Variants in CFAP299 observed in about 807,000 individuals in gnomAD.
The protein encoded by CFAP299 is cilia- and flagella-associated protein 299.
CFAP299 carries 21 observed loss-of-function variants against 27.0 expected under a neutral mutation model. The ratio of observed to expected loss-of-function variants is 0.78; its 90% confidence interval spans 0.55 to 1.12. CFAP299 has a LOEUF of 1.12. Among genes scored for constraint, CFAP299 ranks in the 50% most tolerant of loss-of-function variants. The pLI, the probability that CFAP299 is intolerant of heterozygous loss-of-function variation, is 0.00. For missense variants in CFAP299, 310 were observed against 276.6 expected, an observed-to-expected ratio of 1.12 and a Z score of -0.86; for synonymous variants, 104 against 98.1, an observed-to-expected ratio of 1.06 and a Z score of -0.36.
chr4:80,437,916 G>A (rs1002265317), intron 2 of CFAP299, among the ~76,000 whole-genome samples: 2 of 151,586 alleles, frequency 1.3e-5, no homozygotes, highest in Non-Finnish European at 2.9e-5. Flanking sequence ...TTTTCTTTAG[G>A]TTTCTTTCTT....
At chr4:80,719,793 T>C (rs755355788) in intron 3 of CFAP299, among the ~76,000 whole-genome samples, 3 of 152,132 alleles carry the variant, frequency 2.0e-5, no homozygotes, top group Non-Finnish European at 4.4e-5. Flanking sequence ...CAGCCTACCA[T>C]CACTGTACCA....
At chr4:80,845,279 GTTT>G (rs200523960) in intron 3 of CFAP299, among the ~76,000 whole-genome samples, 1 of 134,586 alleles carries the variant, frequency 7.4e-6, no homozygotes, top group Admixed American at 7.3e-5. Flanking sequence ...GTCCCACACT[GTTT>G]TTTTTTTTTT....
At chr4:80,676,658 A>G (rs921032824) in intron 3 of CFAP299, among the ~76,000 whole-genome samples, 1 of 151,644 alleles carries the variant, frequency 6.6e-6, no homozygotes, top group African/African-American at 2.4e-5. Context: ...GATGTTTTCT[A>G]CTTCTTCATG....
chr4:80,688,633 C>T (rs1049437301), intron 3 of CFAP299, among the ~76,000 whole-genome samples: 1 of 152,204 alleles, frequency 6.6e-6, no homozygotes, highest in Non-Finnish European at 1.5e-5. Context: ...AAAAGCACAG[C>T]ACCTATCCTC....
rs553343709 is a variant in CFAP299, at chr4:80,536,222, C to A, written c.243-46871C>A. Among the ~76,000 whole-genome samples the A allele has an allele frequency of 2.0e-5, 3 of 152,212 alleles. No homozygotes were observed. The South Asian group carries it at 6.2e-4, about 32-fold the overall frequency. On this transcript the variant is annotated intron_variant, in intron 2 of 5. Coordinates refer to ENST00000358105, the MANE Select transcript of CFAP299 (RefSeq NM_152770.3). Reference sequence around the variant, plus strand: ...AATGGGATAAAGTGCCTTTAAAAATCCCCTACCATTGAAAATATTTCAGTA... The same window carrying A: ...AATGGGATAAAGTGCCTTTAAAAATACCCTACCATTGAAAATATTTCAGTA...
intron 3 of CFAP299, among the ~76,000 whole-genome samples, chr4:80,708,881 A>G (rs1252225856): frequency 6.6e-6 from 1 of 152,184 alleles, no homozygotes. Flanking sequence ...AACTATAAGC[A>G]TTGTTTACAA....
intron 3 of CFAP299, among the ~76,000 whole-genome samples, chr4:80,632,479 G>A (rs1255974096): frequency 6.6e-6 from 1 of 152,044 alleles, no homozygotes. Flanking sequence ...CCAGGCAAGT[G>A]CTAGCTACAG....
intron 3 of CFAP299, among the ~76,000 whole-genome samples, chr4:80,736,001 G>C (rs980609729): frequency 7.2e-5 from 11 of 152,026 alleles, no homozygotes; most frequent in African/African-American, 2.7e-4. Context: ...GTTTGAGTAA[G>C]AATGGTATTA....
intron 2 of CFAP299, chr4:80,387,424 C>T: frequency 1.1e-6 from 1 of 904,714 alleles, no homozygotes; most frequent in Non-Finnish European, 1.8e-6. Context: ...AGAACTGGAA[C>T]AAGTAGGAGC....
In CFAP299 at chr4:80,887,584, A is replaced by G. The variant is rs1734034468; in HGVS notation, c.476+17449A>G. Reference sequence around the variant, plus strand: ...CTGTCCTAGAAGAAATGCTAAAGAGAGTTCTTCAATCTGAAAGAAAAGGAT... The same window carrying G: ...CTGTCCTAGAAGAAATGCTAAAGAGGGTTCTTCAATCTGAAAGAAAAGGAT... On this transcript the variant is annotated intron_variant, in intron 4 of 5. Transcript: ENST00000358105. 3.3e-5 allele frequency among the ~76,000 whole-genome samples: 5 copies of G among 152,176 alleles called. No homozygotes were observed. The South Asian group carries it at 1.0e-3, about 31-fold the overall frequency.
At chr4:80,590,928 A>G (rs1348662191) in intron 3 of CFAP299, among the ~76,000 whole-genome samples, 2 of 151,922 alleles carry the variant, frequency 1.3e-5, no homozygotes, top group Non-Finnish European at 2.9e-5. Flanking sequence ...TGATTCCAAT[A>G]TGGGAGAATG....
intron 3 of CFAP299, among the ~76,000 whole-genome samples, chr4:80,740,352 C>T (rs1724182686): frequency 6.6e-6 from 1 of 152,200 alleles, no homozygotes; most frequent in Non-Finnish European, 1.5e-5. Context: ...CCCAATAACA[C>T]TATGAGTTTT....
chr4:80,330,680 T>C, the CFAP299 span, among the ~76,000 whole-genome samples: 1 of 152,192 alleles, frequency 6.6e-6, no homozygotes, highest in Non-Finnish European at 1.5e-5. Context: ...TCAAAATATC[T>C]CTTTATCAAA....
chr4:80,327,680 T>TAG, the CFAP299 span, among the ~76,000 whole-genome samples: 2 of 119,518 alleles, frequency 1.7e-5, no homozygotes, highest in Admixed American at 9.0e-5. Context: ...CATATATATA[T>TAG]AGAGAGAAGT....
intron 3 of CFAP299, among the ~76,000 whole-genome samples, chr4:80,866,068 T>TATATATATATATATATAC (rs1732719684): frequency 1.4e-5 from 1 of 70,238 alleles, no homozygotes; most frequent in Non-Finnish European, 2.8e-5. Flanking sequence ...ATTATATATA[T>TATATATATATATATATAC]ATATATATAT....
intron 2 of CFAP299, among the ~76,000 whole-genome samples, chr4:80,526,648 A>C (rs1235460818): frequency 6.6e-6 from 1 of 152,062 alleles, no homozygotes; most frequent in Non-Finnish European, 1.5e-5. Context: ...TTTAATTGGC[A>C]CTTTTGTTAC....
chr4:80,879,677 C>A (rs375263500), intron 4 of CFAP299, among the ~76,000 whole-genome samples: 5 of 152,034 alleles, frequency 3.3e-5, no homozygotes, highest in Non-Finnish European at 7.4e-5. Flanking sequence ...GTGAGTGAAG[C>A]AGATAAGCCC....
intron 2 of CFAP299, among the ~76,000 whole-genome samples, chr4:80,564,033 G>A (rs1347518208): frequency 1.3e-5 from 2 of 151,934 alleles, no homozygotes; most frequent in African/African-American, 4.8e-5. Context: ...GATCAGAGCT[G>A]TAATAAAAAA....
intron 3 of CFAP299, among the ~76,000 whole-genome samples, chr4:80,604,892 G>A (rs199980869): frequency 2.7e-4 from 40 of 145,638 alleles, no homozygotes; most frequent in Middle Eastern, 3.6e-3. Context: ...TATAATACCA[G>A]AAAAAAAAAA....
Sources: gnomAD v4.1 joint callset for allele counts (sites outside exome capture counted in the v4.1 genomes callset) on GRCh38, gnomAD v4.1.1 for gene constraint, MANE v1.5 for transcripts, NCBI Gene and HGNC (gene_info 2026-07-23, HGNC 2026-07-21) for gene names.